The following FGF12 variants were observed in gnomAD, a reference collection of about 807,000 sequenced individuals.
The protein encoded by FGF12 is fibroblast growth factor 12B.
FGF12 carries 14 observed loss-of-function variants against 23.6 expected under a neutral mutation model. The ratio of observed to expected loss-of-function variants is 0.59; its 90% confidence interval spans 0.39 to 0.93. FGF12 has a LOEUF of 0.93. Ranked by LOEUF, FGF12 falls within the 40% of genes least tolerant of loss-of-function variation. The pLI is 0.00. For missense variants in FGF12, 175 were observed against 217.8 expected, an observed-to-expected ratio of 0.80 and a Z score of 1.24; for synonymous variants, 62 against 77.3, an observed-to-expected ratio of 0.80 and a Z score of 1.04.
chr3:192,636,558 A>G (rs1715592150), intron 2 of FGF12, among the ~76,000 whole-genome samples: 1 of 152,162 alleles, frequency 6.6e-6, no homozygotes, highest in Non-Finnish European at 1.5e-5. Flanking sequence ...TTTCTCCTTC[A>G]TGAGTCAAGG....
intron 2 of FGF12, among the ~76,000 whole-genome samples, chr3:192,562,033 A>G (rs1187650951): frequency 6.6e-6 from 1 of 152,166 alleles, no homozygotes; most frequent in Admixed American, 6.5e-5. Context: ...AAATAAATAC[A>G]CCATGGAATA....
intron 2 of FGF12, among the ~76,000 whole-genome samples, chr3:192,596,811 G>T (rs1312072341): frequency 2.0e-5 from 3 of 152,200 alleles, no homozygotes; most frequent in African/African-American, 4.8e-5. Flanking sequence ...CTTTGAGTGA[G>T]ATTTAAAAAA....
At chr3:192,714,849 G>A (rs962568509) in intron 2 of FGF12, among the ~76,000 whole-genome samples, 9 of 152,144 alleles carry the variant, frequency 5.9e-5, no homozygotes, top group South Asian at 4.1e-4. Context: ...GACACTTTTC[G>A]AAAGGTTATT....
At chr3:192,699,804 T>C (rs1718236531) in intron 2 of FGF12, among the ~76,000 whole-genome samples, 1 of 152,226 alleles carries the variant, frequency 6.6e-6, no homozygotes, top group African/African-American at 2.4e-5. Context: ...TGCAAGATCT[T>C]GATGTAAGTT....
intron 4 of FGF12, among the ~76,000 whole-genome samples, chr3:192,266,093 C>T (rs1016718559): frequency 2.0e-5 from 3 of 152,084 alleles, no homozygotes; most frequent in East Asian, 1.9e-4. Context: ...CTGCTAAAAT[C>T]GTACTGGTCC....
intron 2 of FGF12, among the ~76,000 whole-genome samples, chr3:192,643,301 T>A (rs79665884): frequency 0.17 from 25,708 of 152,206 alleles, 2,294 homozygotes; most frequent in African/African-American, 0.23. Flanking sequence ...ACAAAATTTT[T>A]AAAAAATTAT....
At chr3:192,454,587 C>T (rs1041494392) in intron 2 of FGF12, among the ~76,000 whole-genome samples, 4 of 152,048 alleles carry the variant, frequency 2.6e-5, no homozygotes, top group Admixed American at 6.6e-5. Flanking sequence ...AGGGCTTAAA[C>T]CTTGTAGTCT....
intron 2 of FGF12, among the ~76,000 whole-genome samples, chr3:192,607,118 G>T (rs1236058916): frequency 1.3e-5 from 2 of 152,018 alleles, no homozygotes; most frequent in Non-Finnish European, 1.5e-5. Context: ...TTTCACTGTT[G>T]TTTATTTAAC....
At chr3:192,708,165 T>C (rs1459337470) in intron 2 of FGF12, among the ~76,000 whole-genome samples, 1 of 152,084 alleles carries the variant, frequency 6.6e-6, no homozygotes, top group African/African-American at 2.4e-5. Flanking sequence ...TTCACCGTGT[T>C]AGCCAGGTTG....
chr3:192,310,455 T>C (rs1715874994), intron 4 of FGF12, among the ~76,000 whole-genome samples: 2 of 152,172 alleles, frequency 1.3e-5, no homozygotes, highest in Non-Finnish European at 2.9e-5. Flanking sequence ...TACTTAAAAC[T>C]GCACCATAAA....
At chr3:192,255,725 A>G (rs930503176) in intron 4 of FGF12, among the ~76,000 whole-genome samples, 1 of 152,080 alleles carries the variant, frequency 6.6e-6, no homozygotes, top group Non-Finnish European at 1.5e-5. Context: ...ATAGTTTCTC[A>G]TGTCGGACCC....
At chr3:192,688,178 A>G (rs1432999859) in intron 2 of FGF12, among the ~76,000 whole-genome samples, 1 of 151,952 alleles carries the variant, frequency 6.6e-6, no homozygotes, top group African/African-American at 2.4e-5. Flanking sequence ...CAGACCTCAC[A>G]CAGCTCTTGC....
chr3:192,147,085 T>C (rs1189520933), intron 5 of FGF12, among the ~76,000 whole-genome samples: 2 of 152,216 alleles, frequency 1.3e-5, no homozygotes, highest in Admixed American at 1.3e-4. Flanking sequence ...TATTTGAATT[T>C]CTATACTTCT....
At chr3:192,235,980 T>C (rs546230032) in intron 4 of FGF12, among the ~76,000 whole-genome samples, 1 of 152,326 alleles carries the variant, frequency 6.6e-6, no homozygotes, top group East Asian at 1.9e-4. Context: ...TTCTAACTGC[T>C]TGATGTAGGC....
intron 2 of FGF12, among the ~76,000 whole-genome samples, chr3:192,602,108 T>C (rs188448319): frequency 6.6e-6 from 1 of 152,270 alleles, no homozygotes; most frequent in Admixed American, 6.5e-5. Flanking sequence ...CTTTGGATGA[T>C]AATGATGTGT....
At chr3:192,365,037 A>G (rs1204067196) in intron 2 of FGF12, among the ~76,000 whole-genome samples, 3 of 152,170 alleles carry the variant, frequency 2.0e-5, no homozygotes, top group African/African-American at 7.2e-5. Context: ...CATGAGAAAA[A>G]AAAATTAGAC....
At chr3:192,635,057 G>C (rs1206258391) in intron 2 of FGF12, among the ~76,000 whole-genome samples, 1 of 151,986 alleles carries the variant, frequency 6.6e-6, no homozygotes, top group African/African-American at 2.4e-5. Flanking sequence ...ACGGGTTTTT[G>C]CCATGTTGGC....
At chr3:192,507,774 G>A (rs1033990615) in intron 2 of FGF12, among the ~76,000 whole-genome samples, 2 of 152,154 alleles carry the variant, frequency 1.3e-5, no homozygotes, top group Admixed American at 1.3e-4. Flanking sequence ...TTTAGGAACT[G>A]GAACTACAGG....
intron 4 of FGF12, among the ~76,000 whole-genome samples, chr3:192,262,954 A>G (rs1399304050): frequency 6.6e-6 from 1 of 152,088 alleles, no homozygotes; most frequent in Non-Finnish European, 1.5e-5. Flanking sequence ...AAACGTAAGA[A>G]ATCTCTCTAA....
Sources: allele counts gnomAD v4.1 joint callset (sites outside exome capture counted in the v4.1 genomes callset), GRCh38; gene constraint gnomAD v4.1.1; transcripts MANE v1.5; gene names NCBI Gene and HGNC (gene_info 2026-07-23, HGNC 2026-07-21).